The following CDH1 variants were observed in gnomAD, a reference collection of about 807,000 sequenced individuals.
CDH1 encodes the protein cadherin 1, also known as cadherin-1.
In CDH1, 35 loss-of-function variants were observed where a neutral mutation model predicts 84.5. The observed-to-expected ratio is 0.41, with a 90% CI of 0.32 to 0.55. The LOEUF is 0.55. Ranked by LOEUF, CDH1 falls within the 20% of genes least tolerant of loss-of-function variation. The pLI is 0.19. For missense variants in CDH1, 994 were observed against 1,126.6 expected, an observed-to-expected ratio of 0.88 and a Z score of 1.68; for synonymous variants, 417 against 439.0, an observed-to-expected ratio of 0.95 and a Z score of 0.63.
Position 68,788,736 on chromosome 16 carries a change from C to T in CDH1, c.164-12934C>T, listed in dbSNP as rs148723032. Among the ~76,000 whole-genome samples, 390 of 152,206 alleles carry T rather than the reference C, an allele frequency of 2.6e-3. 3 individuals are homozygous for T. The highest frequency in any genetic ancestry group is 2.3e-3 in the Non-Finnish European group (154 of 68,020). ...AGTTGGGGCTGGGCATGGTGGCTCACGCCTGTAATCTCAACACTTTTGGAG... is the reference window on the plus strand; with the variant it reads ...AGTTGGGGCTGGGCATGGTGGCTCATGCCTGTAATCTCAACACTTTTGGAG... On this transcript the variant is annotated intron_variant, in intron 2 of 15. Transcript: ENST00000261769.
At chr16:68,806,245 G>A (rs188131908) in intron 3 of CDH1, among the ~76,000 whole-genome samples, 23 of 151,656 alleles carry the variant, frequency 1.5e-4, no homozygotes, top group South Asian at 4.2e-4. Context: ...TCTGCCTCCC[G>A]GGTTCAAGCA....
At chr16:68,798,044 A>C (rs1347393484) in intron 2 of CDH1, among the ~76,000 whole-genome samples, 1 of 151,398 alleles carries the variant, frequency 6.6e-6, no homozygotes, top group East Asian at 1.9e-4. Flanking sequence ...GCACCATTGC[A>C]CTCCAGCCTG....
At chr16:68,817,301 G>A (rs145674412) in intron 10 of CDH1, among the ~76,000 whole-genome samples, 176 of 152,322 alleles carry the variant, frequency 1.2e-3, no homozygotes, top group Non-Finnish European at 2.0e-3. Context: ...CATGACAGGA[G>A]AGGAGGTGGC....
Position 68,815,657 on chromosome 16 carries a change from C to T in CDH1, c.1463C>T (p.Pro488Leu). ...LDVNEAPIFVPPEKRVEVSED... is the reference protein window; with the variant it reads ...LDVNEAPIFVLPEKRVEVSED... ...GTGAATGAAGCCCCCATCTTTGTGC[C>T]TCCTGAAAAGAGAGTGGAAGTGTCC... The change falls in exon 10 of 16, where the codon CCT becomes CTT. Residue 488 changes from proline to leucine, a missense_variant. Physicochemically the swap from Pro to Leu is moderately conservative, Grantham distance 98. Transcript: ENST00000261769. The T allele has an allele frequency of 6.2e-7, 1 of 1,614,224 alleles. No homozygotes were observed. The highest frequency in any genetic ancestry group is 8.5e-7 in the Non-Finnish European group (1 of 1,180,042).
chr16:68,745,417 A>G (rs1353478649), intron 2 of CDH1, among the ~76,000 whole-genome samples: 1 of 150,562 alleles, frequency 6.6e-6, no homozygotes, highest in African/African-American at 2.4e-5. Flanking sequence ...TGGCATGTGC[A>G]TGTAGTCCCA....
At chr16:68,816,244 C>T (rs573322010) in intron 10 of CDH1, among the ~76,000 whole-genome samples, 1 of 152,314 alleles carries the variant, frequency 6.6e-6, no homozygotes, top group South Asian at 2.1e-4. Flanking sequence ...TCTCGAACTT[C>T]TGACCTCAAG....
chr16:68,808,924 C>T (rs1272344911), intron 5 of CDH1, 76 bp downstream of exon 5: 24 of 1,410,378 alleles, frequency 1.7e-5, no homozygotes, highest in Admixed American at 5.3e-5. Flanking sequence ...ATGCTGGATC[C>T]GCAGATCAGA....
At chr16:68,767,548 G>A (rs536778669) in intron 2 of CDH1, among the ~76,000 whole-genome samples, 4 of 152,166 alleles carry the variant, frequency 2.6e-5, no homozygotes, top group Non-Finnish European at 5.9e-5. Flanking sequence ...CAGAGATGGG[G>A]ATTCTCTTTC....
At chr16:68,823,678 G>T (rs768040244) in intron 13 of CDH1, 52 bp downstream of exon 13, 18 of 1,214,490 alleles carry the variant, frequency 1.5e-5, no homozygotes, top group Admixed American at 3.5e-5. Flanking sequence ...AATGGAGGAG[G>T]TTTATTTCCT....
At chr16:68,833,151 G>A (rs546012308) in intron 15 of CDH1, 139 bp from the exon 16 acceptor site, 5 of 718,056 alleles carry the variant, frequency 7.0e-6, no homozygotes, top group African/African-American at 5.2e-5. Flanking sequence ...ATAAATGTAC[G>A]TTGTTGGTGT....
At chr16:68,761,534 G>A (rs1446234049) in intron 2 of CDH1, among the ~76,000 whole-genome samples, 1 of 152,182 alleles carries the variant, frequency 6.6e-6, no homozygotes, top group Non-Finnish European at 1.5e-5. Context: ...CCCCCATCAT[G>A]GAATTTGTAT....
intron 2 of CDH1, among the ~76,000 whole-genome samples, chr16:68,766,513 C>A (rs578210171): frequency 1.3e-4 from 20 of 152,214 alleles, no homozygotes; most frequent in African/African-American, 4.1e-4. Flanking sequence ...ATTAGTAGAA[C>A]CTACTTCATA....
intron 2 of CDH1, among the ~76,000 whole-genome samples, chr16:68,776,100 A>G (rs1327689469): frequency 6.6e-6 from 1 of 152,228 alleles, no homozygotes; most frequent in African/African-American, 2.4e-5. Flanking sequence ...CTTGTGCCTC[A>G]GCCTCCCAAG....
rs2152138511 is a variant in CDH1, at chr16:68,822,171, G to A, written c.1882G>A (p.Ala628Thr). Residue 628 changes from alanine (A) to threonine (T), a missense_variant, in exon 12 of 16, where the codon GCA becomes ACA. Coordinates refer to ENST00000261769, the MANE Select transcript of CDH1 (RefSeq NM_004360.5). ...TCCTCCCAATACATCTCCCTTCACA[G>A]CAGAACTAACACACGGGGCGAGTGC... Reference protein sequence around the residue: ...DLPPNTSPFTAELTHGASANW... With the variant: ...DLPPNTSPFTTELTHGASANW... The A allele has an allele frequency of 6.2e-7, 1 of 1,614,082 alleles. No homozygotes were observed.
At chr16:68,783,159 G>A (rs1185834257) in intron 2 of CDH1, among the ~76,000 whole-genome samples, 2 of 151,968 alleles carry the variant, frequency 1.3e-5, no homozygotes, top group Admixed American at 1.3e-4. Context: ...CACTTTGGGA[G>A]GCCGAGGCAG....
intron 2 of CDH1, among the ~76,000 whole-genome samples, chr16:68,778,304 C>G (rs1443384957): frequency 6.6e-6 from 1 of 152,146 alleles, no homozygotes; most frequent in Non-Finnish European, 1.5e-5. Flanking sequence ...CCTTGGCCTC[C>G]CAAAATGCTG....
At chr16:68,804,835 T>TC (rs1960610616) in intron 3 of CDH1, among the ~76,000 whole-genome samples, 3 of 132,578 alleles carry the variant, frequency 2.3e-5, no homozygotes, top group Non-Finnish European at 3.2e-5. Context: ...TTTTTTTTTT[T>TC]TTTTTTTTTT....
rs1555515280 is a variant in CDH1, at chr16:68,808,813, G to A, written c.652G>A (p.Glu218Lys). 6.2e-7 allele frequency: 1 copy of A among 1,614,160 alleles called. No individual in the cohort carries two copies. The highest frequency in any genetic ancestry group is 8.5e-7 in the Non-Finnish European group (1 of 1,180,024). The change falls in exon 5 of 16, where the codon GAG becomes AAG. Residue 218 changes from glutamate (E) to lysine (K), a missense_variant. Around this residue, in one of 3 missense-constraint regions of CDH1, gnomAD observed 769 missense variants for 881.8 expected, o/e 0.87. Transcript: ENST00000261769. ...ERETGWLKVT[E>K]PLDRERIATY... ...AGAAACAGGATGGCTGAAGGTGACA[G>A]AGCCTCTGGATAGAGAACGCATTGC...
intron 2 of CDH1, among the ~76,000 whole-genome samples, chr16:68,784,997 G>A (rs906784413): frequency 3.3e-5 from 5 of 151,546 alleles, no homozygotes; most frequent in African/African-American, 1.2e-4. Context: ...TTTATGAATA[G>A]GTTATATGTT....
Sources: allele counts gnomAD v4.1 joint callset (sites outside exome capture counted in the v4.1 genomes callset), GRCh38; gene constraint gnomAD v4.1.1; regional missense constraint gnomAD v4.1.1; transcripts MANE v1.5; gene names NCBI Gene and HGNC (gene_info 2026-07-23, HGNC 2026-07-21).